EPAS1: variants seen among roughly 807,000 people sequenced by gnomAD.
EPAS1 encodes the protein endothelial PAS domain protein 1, also known as endothelial PAS domain-containing protein 1.
In EPAS1, 23 loss-of-function variants were observed where a neutral mutation model predicts 87.9. The observed-to-expected ratio is 0.26, with a 90% CI of 0.19 to 0.37. EPAS1 has a LOEUF of 0.37. Ranked by LOEUF, EPAS1 falls within the 10% of genes least tolerant of loss-of-function variation. The pLI is 1.00. For missense variants in EPAS1, 1,138 were observed against 1,120.7 expected, an observed-to-expected ratio of 1.02 and a Z score of -0.22; for synonymous variants, 508 against 444.3, an observed-to-expected ratio of 1.14 and a Z score of -1.80.
At chr2:46,363,686 AG>A (rs1287874631) in intron 6 of EPAS1, among the ~76,000 whole-genome samples, 4 of 152,358 alleles carry the variant, frequency 2.6e-5, no homozygotes, top group Middle Eastern at 3.4e-3. Flanking sequence ...TCTGGCTTAA[AG>A]GAAGTATCAA....
At chr2:46,383,396 T>C (rs1684944635) in intron 15 of EPAS1, among the ~76,000 whole-genome samples, 1 of 152,252 alleles carries the variant, frequency 6.6e-6, no homozygotes, top group South Asian at 2.1e-4. Context: ...GTGAAACATA[T>C]ATGTCTTCAT....
chr2:46,328,871 C>A (rs149963107), intron 1 of EPAS1, among the ~76,000 whole-genome samples: 1 of 152,344 alleles, frequency 6.6e-6, no homozygotes, highest in African/African-American at 2.4e-5. Context: ...GCACCTTTTT[C>A]TTCTCTTTCA....
rs2103672254 is a variant in EPAS1, at chr2:46,380,301, C to T, written c.1629C>T (p.Ser543=). The T allele has an allele frequency of 6.2e-7, 1 of 1,614,106 alleles. No individual in the cohort carries two copies. Among genetic ancestry groups the T allele is most frequent in the South Asian group, 1.1e-5 (1 of 91,088 alleles). The part of the protein sequence containing the change: ...IPMDGEDFQL[S]PICPEERLLA... ...TGGACGGGGAAGACTTCCAGCTAAG[C>T]CCCATCTGCCCCGAGGAGCGGCTCT... Residue 543 remains serine (S), a synonymous_variant, in exon 12 of 16, where the codon AGC becomes AGT. Coordinates refer to ENST00000263734, the MANE Select transcript of EPAS1 (RefSeq NM_001430.5). The surrounding 1 kb of genome is among the most constrained non-coding windows in gnomAD (Gnocchi z 4.4).
At position 46,382,416 on chromosome 2, in the gene EPAS1, G is replaced by C; in HGVS notation, c.2288-9G>C. 1 of 1,614,108 alleles carries C rather than the reference G, an allele frequency of 6.2e-7. No homozygotes were observed. Among genetic ancestry groups the C allele is most frequent in the Non-Finnish European group, 8.5e-7 (1 of 1,180,024 alleles). ...ATGCTACCGTCACTCTCTGACTTTG[G>C]TCTTTCAGATAAGTTCACCCAAAAC... On this transcript the variant is annotated splice_polypyrimidine_tract_variant and intron_variant, in intron 14 of 15. Transcript: ENST00000263734.
intron 1 of EPAS1, among the ~76,000 whole-genome samples, chr2:46,321,453 T>A (rs964479522): frequency 6.6e-6 from 1 of 152,196 alleles, no homozygotes; most frequent in African/African-American, 2.4e-5. Context: ...TGTACTGTCT[T>A]CCATAGCAGC....
intron 1 of EPAS1, among the ~76,000 whole-genome samples, chr2:46,318,424 C>T (rs184726561): frequency 9.1e-4 from 139 of 152,298 alleles, no homozygotes; most frequent in African/African-American, 3.3e-3. Flanking sequence ...TGAGCACATA[C>T]TATTGGAAAA....
rs555635769 is a variant in EPAS1, at chr2:46,332,330, G to A, written c.27-14543G>A. 7.5e-3 allele frequency among the ~76,000 whole-genome samples: 1,022 copies of A among 135,890 alleles called. 15 individuals carry two copies. The highest frequency in any genetic ancestry group is 0.028 in the African/African-American group (945 of 33,714). The allele number at this position is 135,890 out of a possible 152,430, so 89.1% of individuals were successfully genotyped here. On this transcript the variant is annotated intron_variant, in intron 1 of 15. Transcript: ENST00000263734. Reference sequence around the variant, plus strand: ...TGTGTGTGTGTGTGTGTGTGTGTGTGTGTATCAACTTGTTTTCTCTTTGGC... The same window carrying A: ...TGTGTGTGTGTGTGTGTGTGTGTGTATGTATCAACTTGTTTTCTCTTTGGC...
At chr2:46,355,498 AAT>A (rs896569356) in intron 2 of EPAS1, among the ~76,000 whole-genome samples, 3 of 152,180 alleles carry the variant, frequency 2.0e-5, no homozygotes, top group Admixed American at 2.0e-4. Flanking sequence ...TCATCTGTAA[AAT>A]GAGATTAAGA....
rs1406295852 is a variant in EPAS1 at position 46,371,496 on chromosome 2, C to CAA, written c.886+1565_886+1566dup. Among the ~76,000 whole-genome samples, 1 of 152,128 alleles carries CAA rather than the reference C, an allele frequency of 6.6e-6. No homozygotes were observed. The highest frequency in any genetic ancestry group is 2.4e-5 in the African/African-American group (1 of 41,440). ...ACGCGCACACACAGACACACACACACAAACAACCTAGATTCAGCCCCACTC... is the reference window on the plus strand; with the variant it reads ...ACGCGCACACACAGACACACACACACAAAAACAACCTAGATTCAGCCCCACTC... On this transcript the variant is annotated intron_variant, in intron 7 of 15. Coordinates refer to ENST00000263734, the MANE Select transcript of EPAS1 (RefSeq NM_001430.5). This position sits in a 1 kb window ranked among gnomAD's most constrained non-coding sequence, Gnocchi z 4.3.
Position 46,384,672 on chromosome 2 carries a change from T to C in EPAS1, c.*12T>C, listed in dbSNP as rs751564064. ...ACCAGGCCACCTGAGCCAGGCCTTC[T>C]ACCTGGGCAGCACCTCTGCCGACGC... On this transcript the variant is annotated 3_prime_UTR_variant, in exon 16 of 16. Transcript: ENST00000263734. The C allele has an allele frequency of 4.3e-6, 7 of 1,613,104 alleles. 1 individual carries two copies. In the South Asian group the frequency reaches 7.7e-5, roughly 18 times the overall value.
rs149642079 is a variant in EPAS1, at chr2:46,297,561, CTT to C, written c.-342_-341del. On this transcript the variant is annotated 5_prime_UTR_variant, in exon 1 of 16. An upstream open reading frame in the 5' UTR gains an earlier in-frame stop. Transcript: ENST00000263734. ...CTTCCGACTCCCAGCATTCGAGCCACTTTTTTTTTTCTTTGAAAACTCAGAAA... is the reference window on the plus strand; with the variant it reads ...CTTCCGACTCCCAGCATTCGAGCCACTTTTTTTTCTTTGAAAACTCAGAAA... 1.6e-5 allele frequency: 5 copies of C among 303,222 alleles called. No individual in the cohort carries two copies. Among genetic ancestry groups the C allele is most frequent in the African/African-American group, 9.4e-5 (4 of 42,482 alleles). 18.8% of individuals were successfully genotyped at this position (303,222 alleles called of 1,614,324 possible).
rs576467839 is a variant in EPAS1 at position 46,386,329 on chromosome 2, A to G, written c.*1669A>G. On this transcript the variant is annotated 3_prime_UTR_variant, in exon 16 of 16. Transcript: ENST00000263734. The stretch of plus-strand genomic sequence containing the variant: ...ATAGACTTATTGCCAAAAACAAAAA[A>G]TAGCTTTCAAAAGAAATTTAAGTTC... The G allele has an allele frequency of 4.6e-4, 70 of 152,750 alleles. No homozygotes were observed. The highest frequency in any genetic ancestry group is 1.6e-3 in the African/African-American group (67 of 41,590). 9.5% of individuals were successfully genotyped at this position (152,750 alleles called of 1,614,324 possible).
At position 46,360,985 on chromosome 2, in the gene EPAS1, T is replaced by C. The variant is rs575152514; in HGVS notation, c.674T>C (p.Met225Thr). The C allele has an allele frequency of 1.9e-6, 3 of 1,614,176 alleles. No homozygotes were observed. The highest frequency in any genetic ancestry group is 2.5e-6 in the Non-Finnish European group (3 of 1,180,028). ...CCCCTGCTGTCCTGCCTCATCATCATGTGTGAACCAATCCAGCACCCATCC... is the reference window on the plus strand; with the variant it reads ...CCCCTGCTGTCCTGCCTCATCATCACGTGTGAACCAATCCAGCACCCATCC... ...KEPLLSCLII[M>T]CEPIQHPSHM... The change falls in exon 6 of 16, where the codon ATG (methionine) becomes ACG (threonine). Residue 225 changes from methionine to threonine, a missense_variant. Met to Thr is a moderately conservative substitution (Grantham distance 81, BLOSUM62 -1). Coordinates refer to ENST00000263734, the MANE Select transcript of EPAS1 (RefSeq NM_001430.5). This position sits in a 1 kb window ranked among gnomAD's most constrained non-coding sequence, Gnocchi z 4.5.
At chr2:46,327,200 G>T (rs1277957769) in intron 1 of EPAS1, among the ~76,000 whole-genome samples, 2 of 152,160 alleles carry the variant, frequency 1.3e-5, no homozygotes, top group Non-Finnish European at 2.9e-5. Context: ...TGATTTCATG[G>T]TTGAATATGT....
intron 1 of EPAS1, among the ~76,000 whole-genome samples, chr2:46,298,460 G>C (rs1421345678): frequency 6.6e-6 from 1 of 152,194 alleles, no homozygotes; most frequent in Non-Finnish European, 1.5e-5. Flanking sequence ...CGATCCTACC[G>C]AGGAGCCAGG....
In EPAS1 at chr2:46,376,817, A is replaced by AG. The variant is rs1191030120; in HGVS notation, c.1249+64_1249+65insG. On this transcript the variant is annotated intron_variant, in intron 9 of 15. Coordinates refer to ENST00000263734, the MANE Select transcript of EPAS1 (RefSeq NM_001430.5). ...GTTGGGGCTGGGAAGAGTTCTTACT[A>AG]TAACAGGCCTCCCTGGCTGCAGCTT... The AG allele has an allele frequency of 1.9e-6, 3 of 1,540,452 alleles. No individual in the cohort carries two copies. The African/African-American group carries it at 4.1e-5, about 21-fold the overall frequency.
At chr2:46,342,793 A>G (rs1683937161) in intron 1 of EPAS1, among the ~76,000 whole-genome samples, 1 of 152,232 alleles carries the variant, frequency 6.6e-6, no homozygotes, top group African/African-American at 2.4e-5. Flanking sequence ...AGCTCTGGGC[A>G]AAGAGGTTTT....
chr2:46,311,138 A>G (rs975070370), intron 1 of EPAS1, among the ~76,000 whole-genome samples: 13 of 152,122 alleles, frequency 8.5e-5, no homozygotes, highest in African/African-American at 2.9e-4. Context: ...CGGCCTCCCA[A>G]AGTGCTGAGA....
At position 46,375,770 on chromosome 2, in the gene EPAS1, G is replaced by A. The variant is rs868378063; in HGVS notation, c.967G>A (p.Gly323Arg). Residue 323 changes from glycine (G) to arginine (R), a missense_variant, in exon 8 of 16, where the codon GGG becomes AGG. Gly to Arg is a moderately radical substitution (Grantham distance 125). This residue lies in a region of EPAS1 where 351 missense variants were observed against 417.1 expected (regional missense o/e 0.84). Transcript: ENST00000263734. This position sits in a 1 kb window ranked among gnomAD's most constrained non-coding sequence, Gnocchi z 4.1. ...GGGCTACGTGTGGCTGGAGACCCAG[G>A]GGACGGTCATCTACAACCCTCGCAA... is the stretch of plus-strand genomic sequence containing the variant. ...HGGYVWLETQ[G>R]TVIYNPRNLQ... 1 of 1,614,114 alleles carries A rather than the reference G, an allele frequency of 6.2e-7. No homozygotes were observed.
Sources: allele counts gnomAD v4.1 joint callset (sites outside exome capture counted in the v4.1 genomes callset), GRCh38; gene constraint gnomAD v4.1.1; regional missense constraint gnomAD v4.1.1; non-coding constraint Gnocchi (gnomAD v3.1); transcripts MANE v1.5; gene names NCBI Gene and HGNC (gene_info 2026-07-23, HGNC 2026-07-21).